TTLL4: variants seen among roughly 807,000 people sequenced by gnomAD.
TTLL4 encodes the protein tubulin monoglutamylase TTLL4.
A neutral mutation model predicts 122.7 loss-of-function variants in TTLL4; 85 were observed. The ratio of observed to expected loss-of-function variants is 0.69; its 90% CI spans 0.58 to 0.83. The LOEUF is 0.83. TTLL4 is among the 40% of genes least tolerant of loss of function. The pLI is 0.00. For synonymous variants in TTLL4, 553 were observed against 563.0 expected (o/e 0.98, Z 0.25); for missense variants, 1,363 against 1,488.6 (o/e 0.92, Z 1.39).
At chr2:218,748,590 G>A in intron 12 of TTLL4, 1 of 453,530 alleles carries the variant, frequency 2.2e-6, no homozygotes. Context: ...GGGGGACGGA[G>A]GTTGCAGTGA....
At chr2:218,746,487 A>G (rs1247246608) in intron 8 of TTLL4, 1 of 522,660 alleles carries the variant, frequency 1.9e-6, no homozygotes, top group East Asian at 3.2e-5. Context: ...CTGAACTCCA[A>G]CCTCATAGGA....
intron 13 of TTLL4, 140 bp from the exon 14 acceptor site, chr2:218,749,113 G>T: frequency 7.6e-7 from 1 of 1,321,578 alleles, no homozygotes; most frequent in Middle Eastern, 2.1e-4. Context: ...GCTGGTCCCA[G>T]ATCAGAGGTG....
chr2:218,737,603 T>G lies in TTLL4; in HGVS notation c.-74T>G. ...GACTGACAGACTTCAAGGATGCAGC[T>G]GCTACTACCGGAGGTGTGTGGCACC... is the stretch of plus-strand genomic sequence containing the variant. On this transcript the variant is annotated 5_prime_UTR_variant, in exon 3 of 20. Coordinates refer to ENST00000392102, the MANE Select transcript of TTLL4 (RefSeq NM_014640.5). The G allele has an allele frequency of 6.7e-7, 1 of 1,485,158 alleles. No individual in the cohort carries two copies. The highest frequency in any genetic ancestry group is 9.0e-7 in the Non-Finnish European group (1 of 1,106,082). 92.0% of individuals were successfully genotyped at this position (1,485,158 alleles called of 1,614,324 possible). A position where few individuals can be genotyped will look rare whatever the true frequency, so the allele number is the denominator to read the frequency against.
chr2:218,748,084 C>T (rs200685952), intron 11 of TTLL4, 21 bp from the exon 12 acceptor site: 620 of 1,614,064 alleles, frequency 3.8e-4, no homozygotes, highest in Non-Finnish European at 5.0e-4. Flanking sequence ...TTACCTCTGC[C>T]TTTTGTTTCC....
intron 1 of TTLL4, among the ~76,000 whole-genome samples, chr2:218,725,793 T>C (rs1453345151): frequency 6.6e-6 from 1 of 152,018 alleles, no homozygotes; most frequent in Non-Finnish European, 1.5e-5. Context: ...TGGCCTCAAG[T>C]GGTCTGCCCG....
rs371481610 is a variant in TTLL4, at chr2:218,738,693, C to T, written c.1017C>T (p.Ala339=). 1.5e-5 allele frequency: 24 copies of T among 1,614,046 alleles called. No homozygotes were observed. Among genetic ancestry groups the T allele is most frequent in the Middle Eastern group, 1.6e-4 (1 of 6,084 alleles). ...CTAAGGAGATTCGGTTCACTGAGGC[C>T]GTGAGGAAATTGACCGCAAGAGGCT... ...DPTKEIRFTE[A]VRKLTARGFE... is the part of the protein sequence containing the mutation. The change falls in exon 3 of 20, where the codon GCC becomes GCT. Residue 339 remains alanine, a synonymous_variant. Coordinates refer to ENST00000392102, the MANE Select transcript of TTLL4 (RefSeq NM_014640.5).
Position 218,751,715 on chromosome 2 carries a change from C to T in TTLL4, c.2885C>T (p.Ser962Phe). The change falls in exon 16 of 20, where the codon TCC (serine) becomes TTC (phenylalanine). Residue 962 changes from serine to phenylalanine, a missense_variant. Transcript: ENST00000392102. ...CSSSTTSLPT[S>F]PGDKCRMAPE... ...GGCCTCTGCCGTAGCCTGCCCACCT[C>T]CCCTGGGGACAAATGTCGAATGGCT... 1 of 1,613,000 alleles carries T rather than the reference C, an allele frequency of 6.2e-7. No homozygotes were observed. Among genetic ancestry groups the T allele is most frequent in the Non-Finnish European group, 8.5e-7 (1 of 1,179,296 alleles).
At chr2:218,748,718 A>T in intron 12 of TTLL4, 118 bp from the exon 13 acceptor site, 1 of 798,040 alleles carries the variant, frequency 1.3e-6, no homozygotes, top group Non-Finnish European at 2.0e-6. Context: ...TTCATAATTT[A>T]AACTGCGAAA....
At chr2:218,724,534 T>G (rs915048748) in intron 1 of TTLL4, among the ~76,000 whole-genome samples, 1 of 152,228 alleles carries the variant, frequency 6.6e-6, no homozygotes, top group South Asian at 2.1e-4. Flanking sequence ...TATTTGTCTT[T>G]CTGTGCTTGG....
chr2:218,738,134 T>A lies in TTLL4; in HGVS notation c.458T>A (p.Leu153His). 1.2e-6 allele frequency: 2 copies of A among 1,614,066 alleles called. No individual in the cohort carries two copies. Among genetic ancestry groups the A allele is most frequent in the Non-Finnish European group, 1.7e-6 (2 of 1,180,028 alleles). The change falls in exon 3 of 20, where the codon CTC (leucine) becomes CAC (histidine). Residue 153 changes from leucine to histidine, a missense_variant. By Grantham distance (99) the Leu-to-His change is moderately conservative. This residue lies in a region of TTLL4 where 760 missense variants were observed against 808.4 expected (regional missense o/e 0.94). Coordinates refer to ENST00000392102, the MANE Select transcript of TTLL4 (RefSeq NM_014640.5). ...KSPFSLPQKS[L>H]PVSLTANKAT... ...CCTTTTTCTCTCCCTCAAAAGAGCC[T>A]CCCTGTCAGTCTCACTGCCAACAAG...
chr2:218,745,757 T>C lies in TTLL4; in HGVS notation c.1853T>C (p.Ile618Thr), dbSNP rs1421626605. The change falls in exon 7 of 20, where the codon ATT becomes ACT. Residue 618 changes from isoleucine to threonine, a missense_variant. By Grantham distance (89) the Ile-to-Thr change is moderately conservative. This residue lies in a region of TTLL4 where 760 missense variants were observed against 808.4 expected (regional missense o/e 0.94). Coordinates refer to ENST00000392102, the MANE Select transcript of TTLL4 (RefSeq NM_014640.5). ...AAGATGAGCACAGTGACCCCCAACA[T>C]TGTCAAGCAGACCATTGGACGGTCC... ...RWKMSTVTPN[I>T]VKQTIGRSHF... 1 of 1,613,330 alleles carries C rather than the reference T, an allele frequency of 6.2e-7. No homozygotes were observed. Among genetic ancestry groups the C allele is most frequent in the African/African-American group, 1.3e-5 (1 of 74,762 alleles).
chr2:218,756,418 A>G (rs1943152778), downstream of TTLL4, among the ~76,000 whole-genome samples: 1 of 152,218 alleles, frequency 6.6e-6, no homozygotes, highest in Non-Finnish European at 1.5e-5. Context: ...GAGCAATGGA[A>G]AGACACTGCT....
rs1009630782 is a variant in TTLL4, at chr2:218,724,776, G to GT, written c.-177-2486dup. On this transcript the variant is annotated intron_variant, in intron 1 of 19. Transcript: ENST00000392102. Reference sequence around the variant, plus strand: ...ACTCCTCTTTCTTACTGTTTTTGTAGTTTTTTTCTAGTAGTATGGTTTAAT... The same window carrying GT: ...ACTCCTCTTTCTTACTGTTTTTGTAGTTTTTTTTCTAGTAGTATGGTTTAAT... 1.3e-4 allele frequency among the ~76,000 whole-genome samples: 20 copies of GT among 151,774 alleles called. No individual in the cohort carries two copies. The Middle Eastern group carries it at 0.01, about 77-fold the overall frequency.
chr2:218,712,062 A>T (rs1941725906), intron 1 of TTLL4, among the ~76,000 whole-genome samples: 1 of 152,080 alleles, frequency 6.6e-6, no homozygotes, highest in African/African-American at 2.4e-5. Context: ...AAAAATTATC[A>T]AGTGTTTTCT....
rs1020906396 is a variant in TTLL4, at chr2:218,748,049, C to T, written c.2379-56C>T. On this transcript the variant is annotated intron_variant, in intron 11 of 19. Transcript: ENST00000392102. ...CAGGATTTGGGGAAATGTTTGGCCCCTTCTCCATCTGCTCTGTTACCATCT... is the reference window on the plus strand; with the variant it reads ...CAGGATTTGGGGAAATGTTTGGCCCTTTCTCCATCTGCTCTGTTACCATCT... The T allele has an allele frequency of 5.6e-6, 9 of 1,610,114 alleles. No individual in the cohort carries two copies. The Admixed American group carries it at 8.4e-5, about 15-fold the overall frequency.
intron 14 of TTLL4, 76 bp from the exon 15 acceptor site, chr2:218,749,933 A>C: frequency 6.4e-7 from 1 of 1,550,732 alleles, no homozygotes; most frequent in Non-Finnish European, 8.7e-7. Flanking sequence ...AAATGAGACT[A>C]GCCCTGAGTT....
chr2:218,751,754 C>T lies in TTLL4; in HGVS notation c.2924C>T (p.Thr975Ile). ...TGTCGAATGGCTCCAGAGCATGTCA[C>T]TGCACAGAAGATGAAGAAAGCCTAT... is the stretch of plus-strand genomic sequence containing the variant. The part of the protein sequence containing the change: ...DKCRMAPEHV[T>I]AQKMKKAYYL... Residue 975 changes from threonine to isoleucine, a missense_variant, in exon 16 of 20, where the codon ACT becomes ATT. Physicochemically the swap from Thr to Ile is moderately conservative, Grantham distance 89. This residue lies in a region of TTLL4 where 596 missense variants were observed against 655.8 expected (regional missense o/e 0.91). Coordinates refer to ENST00000392102, the MANE Select transcript of TTLL4 (RefSeq NM_014640.5). 5.6e-6 allele frequency: 9 copies of T among 1,613,768 alleles called. No homozygotes were observed. The highest frequency in any genetic ancestry group is 7.6e-6 in the Non-Finnish European group (9 of 1,179,770).
intron 14 of TTLL4, 108 bp downstream of exon 14, chr2:218,749,495 G>A: frequency 7.0e-7 from 1 of 1,433,082 alleles, no homozygotes; most frequent in East Asian, 2.3e-5. Flanking sequence ...TTGAGATGGA[G>A]TCTCGCTCTG....
In TTLL4 at chr2:218,737,777, A is replaced by G; in HGVS notation, c.101A>G (p.Glu34Gly). ...PSGTVPATPP[E>G]KPSEGRVWPQ... ...GGCACAGTACCTGCCACGCCACCTG[A>G]GAAACCCTCGGAGGGCAGAGTCTGG... Residue 34 changes from glutamate (E) to glycine (G), a missense_variant, in exon 3 of 20, where the codon GAG becomes GGG. Physicochemically the swap from Glu to Gly is moderately conservative, Grantham distance 98 (BLOSUM62 -2). Transcript: ENST00000392102. 1 of 1,614,064 alleles carries G rather than the reference A, an allele frequency of 6.2e-7. No individual in the cohort carries two copies. The highest frequency in any genetic ancestry group is 8.5e-7 in the Non-Finnish European group (1 of 1,179,882).
Sources: allele counts gnomAD v4.1 joint callset (sites outside exome capture counted in the v4.1 genomes callset), GRCh38; gene constraint gnomAD v4.1.1; regional missense constraint gnomAD v4.1.1; transcripts MANE v1.5; gene names NCBI Gene and HGNC (gene_info 2026-07-23, HGNC 2026-07-21).